The following UNC80 variants were observed in gnomAD, a reference collection of about 807,000 sequenced individuals.
The protein encoded by UNC80 is protein unc-80 homolog.
Under a neutral mutation model 384.6 loss-of-function variants are expected in UNC80, and 164 were observed. That is an observed-to-expected ratio of 0.43 (90% CI 0.38 to 0.49). The LOEUF (loss-of-function observed/expected upper bound fraction) is 0.49. UNC80 is among the 20% of genes least tolerant of loss of function. The probability of loss-of-function intolerance (pLI) is 0.00; values close to 1 mark genes in which losing one functional copy is unlikely to be tolerated. For missense variants in UNC80, 3,330 were observed against 4,143.0 expected (o/e 0.80, Z 5.39); for synonymous variants, 1,486 against 1,527.8 (o/e 0.97, Z 0.64).
intron 22 of UNC80, among the ~76,000 whole-genome samples, chr2:209,855,615 T>C (rs34115158): frequency 0.18 from 26,713 of 152,176 alleles, 3,213 homozygotes; most frequent in African/African-American, 0.34. Flanking sequence ...TCTGAGAAGA[T>C]ACTGCTCTTC....
intron 28 of UNC80, among the ~76,000 whole-genome samples, chr2:209,898,974 G>A (rs957190700): frequency 6.6e-5 from 10 of 152,168 alleles, no homozygotes; most frequent in African/African-American, 2.4e-4. Flanking sequence ...TGGCTGAGTA[G>A]TACTCTATTG....
chr2:209,944,771 T>C (rs1192476637), intron 45 of UNC80, among the ~76,000 whole-genome samples: 1 of 152,168 alleles, frequency 6.6e-6, no homozygotes, highest in Non-Finnish European at 1.5e-5. Context: ...AAAGGAACCA[T>C]TGATATGAAC....
chr2:209,839,540 A>T lies in UNC80; in HGVS notation c.3250+110A>T, dbSNP rs2081587644. 5.6e-6 allele frequency: 6 copies of T among 1,070,156 alleles called. No individual in the cohort carries two copies. The highest frequency in any genetic ancestry group is 8.1e-6 in the Non-Finnish European group (6 of 738,772). The allele number at this position is 1,070,156 out of a possible 1,614,324, so 66.3% of individuals were successfully genotyped here. ...AAAAAGAAGACCTTCAAGTCATAAG[A>T]CCTAGACTGACTTCATTCATTCATT... is the stretch of plus-strand genomic sequence containing the variant. On this transcript the variant is annotated intron_variant, in intron 19 of 64. Transcript: ENST00000673920. The surrounding 1 kb of genome is among the most constrained non-coding windows in gnomAD (Gnocchi z 4.1).
At chr2:209,936,523 T>C (rs996948890) in intron 40 of UNC80, among the ~76,000 whole-genome samples, 2 of 152,190 alleles carry the variant, frequency 1.3e-5, no homozygotes, top group Non-Finnish European at 2.9e-5. Context: ...ATTGTACATC[T>C]TTGGGCACTA....
At chr2:209,901,861 G>A (rs1378909196) in intron 28 of UNC80, among the ~76,000 whole-genome samples, 1 of 151,640 alleles carries the variant, frequency 6.6e-6, no homozygotes. Flanking sequence ...CCCGGGAGGC[G>A]AAGCTTGCAG....
rs1479905620 is a variant in UNC80, at chr2:209,935,790, A to G, written c.6255A>G (p.Gln2085=). The change falls in exon 40 of 65, where the codon CAA becomes CAG. Residue 2085 remains glutamine (Q), a synonymous_variant. Coordinates refer to ENST00000673920, the MANE Select transcript of UNC80 (RefSeq NM_001371986.1). ...PTQLPVHEDT[Q]FEALLKECLE... is the part of the protein sequence containing the mutation. ...AGTTACCAGTCCATGAAGACACTCA[A>G]TTTGAAGCCCTGTTGAAGGTAGGAA... The G allele has an allele frequency of 1.9e-6, 3 of 1,540,720 alleles. No individual in the cohort carries two copies. Among genetic ancestry groups the G allele is most frequent in the Non-Finnish European group, 1.8e-6 (2 of 1,142,838 alleles).
chr2:209,977,301 A>G (rs1169053411), intron 58 of UNC80, among the ~76,000 whole-genome samples: 1 of 152,260 alleles, frequency 6.6e-6, no homozygotes, highest in Non-Finnish European at 1.5e-5. Flanking sequence ...AGGATATCAT[A>G]AGAATTTAGT....
intron 51 of UNC80, among the ~76,000 whole-genome samples, chr2:209,964,448 T>G (rs1575160718): frequency 6.6e-6 from 1 of 152,208 alleles, no homozygotes; most frequent in East Asian, 1.9e-4. Flanking sequence ...CCGTGGAGAT[T>G]CAATCAGCAA....
At chr2:209,850,501 G>A (rs1292369469) in intron 22 of UNC80, among the ~76,000 whole-genome samples, 2 of 151,970 alleles carry the variant, frequency 1.3e-5, no homozygotes, top group Non-Finnish European at 2.9e-5. Flanking sequence ...ATTTTACCTT[G>A]GAAAATAATC....
At chr2:209,931,082 A>G in intron 38 of UNC80, 28 bp downstream of exon 38, 1 of 1,461,926 alleles carries the variant, frequency 6.8e-7, no homozygotes, top group Non-Finnish European at 9.3e-7. Context: ...ATTTCCAATT[A>G]CGAAGCAGCA....
At chr2:209,971,182 G>C (rs1197453874) in intron 54 of UNC80, among the ~76,000 whole-genome samples, 1 of 152,110 alleles carries the variant, frequency 6.6e-6, no homozygotes, top group Non-Finnish European at 1.5e-5. Context: ...ATTTAGTCCT[G>C]CCACAACTTC....
chr2:209,859,294 A>G (rs2083182270), intron 22 of UNC80, among the ~76,000 whole-genome samples: 1 of 152,106 alleles, frequency 6.6e-6, no homozygotes, highest in Admixed American at 6.5e-5. Context: ...GTGTTTGATT[A>G]TCTGTTCCTG....
chr2:209,990,671 T>G (rs1559451117), intron 61 of UNC80, among the ~76,000 whole-genome samples: 1 of 152,204 alleles, frequency 6.6e-6, no homozygotes, highest in East Asian at 1.9e-4. Context: ...AGCAACATTG[T>G]CTGGATTGCT....
intron 20 of UNC80, among the ~76,000 whole-genome samples, chr2:209,841,388 G>C (rs1385937644): frequency 6.6e-6 from 1 of 151,958 alleles, no homozygotes; most frequent in Non-Finnish European, 1.5e-5. Flanking sequence ...ATGGAGACTC[G>C]ATCTGTGGCC....
intron 36 of UNC80, 44 bp downstream of exon 36, chr2:209,927,030 G>C: frequency 6.5e-7 from 1 of 1,545,450 alleles, no homozygotes; most frequent in Non-Finnish European, 8.7e-7. Flanking sequence ...TTCTTAAGCT[G>C]TTTATCTGAT....
At chr2:209,779,698 T>C (rs11692608) in intron 4 of UNC80, among the ~76,000 whole-genome samples, 22,290 of 152,164 alleles carry the variant, frequency 0.15, 2,465 homozygotes, top group African/African-American at 0.3. Context: ...TTGTCATTAT[T>C]GGAAGCTGAT....
chr2:209,783,687 A>G (rs2077270745), intron 4 of UNC80, among the ~76,000 whole-genome samples: 2 of 152,150 alleles, frequency 1.3e-5, no homozygotes, highest in South Asian at 2.1e-4. Context: ...GGATTTCAGT[A>G]TAAGAGAGAT....
At chr2:209,865,945 T>C (rs2083718680) in intron 22 of UNC80, among the ~76,000 whole-genome samples, 1 of 152,220 alleles carries the variant, frequency 6.6e-6, no homozygotes. Context: ...AGATATTATC[T>C]CATTCCTTTC....
chr2:209,845,988 C>T (rs1016277980), intron 21 of UNC80, among the ~76,000 whole-genome samples: 1 of 150,278 alleles, frequency 6.7e-6, no homozygotes. Flanking sequence ...TCTCTTCTTT[C>T]TTTTCTTTCT....
Sources: gnomAD v4.1 joint callset for allele counts (sites outside exome capture counted in the v4.1 genomes callset) on GRCh38, gnomAD v4.1.1 for gene constraint, Gnocchi (gnomAD v3.1) non-coding constraint, MANE v1.5 for transcripts, NCBI Gene and HGNC (gene_info 2026-07-23, HGNC 2026-07-21) for gene names.